MDFI: variants seen among roughly 807,000 people sequenced by gnomAD.
MDFI encodes the protein MyoD family inhibitor, also known as inhibitor of MyoD family a.
Under a neutral mutation model 22.3 loss-of-function variants are expected in MDFI, and 16 were observed. That is an observed-to-expected ratio of 0.72 (90% CI 0.49 to 1.09). The LOEUF is 1.09. Ranked by LOEUF, MDFI falls within the 50% of genes least tolerant of loss-of-function variation. The pLI is 0.00. For missense variants in MDFI, 314 were observed against 326.1 expected (o/e 0.96, Z 0.29); for synonymous variants, 145 against 142.7 (o/e 1.02, Z -0.12).
rs1277794457 is a variant in MDFI at position 41,649,722 on chromosome 6, G to T, written c.363G>T (p.Leu121=). The stretch of plus-strand genomic sequence containing the variant: ...CCAGACGGGCGGGGAATGGTGCCCT[G>T]GGTGGCCCCAAGGCCCACCGGAAGT... ...GGTRRAGNGA[L]GGPKAHRKLQ... Residue 121 remains leucine, a synonymous_variant, in exon 4 of 5, where the codon CTG becomes CTT. Coordinates refer to ENST00000230321, the MANE Select transcript of MDFI (RefSeq NM_005586.4). 6.2e-7 allele frequency: 1 copy of T among 1,613,998 alleles called. No individual in the cohort carries two copies. The highest frequency in any genetic ancestry group is 8.5e-7 in the Non-Finnish European group (1 of 1,180,010).
chr6:41,649,575 G>T, intron 3 of MDFI, 44 bp from the exon 4 acceptor site: 1 of 1,493,686 alleles, frequency 6.7e-7, no homozygotes, highest in South Asian at 1.3e-5. Flanking sequence ...GGGGCCGAAT[G>T]ACCCCCACCC....
At chr6:41,649,538 A>C (rs1768178342) in intron 3 of MDFI, 81 bp from the exon 4 acceptor site, 1 of 1,289,646 alleles carries the variant, frequency 7.8e-7, no homozygotes, top group Admixed American at 2.3e-5. Context: ...GTAAGAATGC[A>C]GCAGGCAGGA....
intron 3 of MDFI, among the ~76,000 whole-genome samples, chr6:41,648,290 A>C (rs1222196827): frequency 6.6e-6 from 1 of 152,004 alleles, no homozygotes; most frequent in Non-Finnish European, 1.5e-5. Context: ...CTTGCTAGCT[A>C]TGTGACCTTG....
At chr6:41,646,352 T>G in intron 3 of MDFI, 44 bp downstream of exon 3, 224 of 1,373,308 alleles carry the variant, frequency 1.6e-4, no homozygotes, top group Non-Finnish European at 2.0e-4. Flanking sequence ...ACATGTAGGG[T>G]TGCACTAGGG....
At chr6:41,648,384 G>T (rs1768136481) in intron 3 of MDFI, among the ~76,000 whole-genome samples, 1 of 152,216 alleles carries the variant, frequency 6.6e-6, no homozygotes, top group Non-Finnish European at 1.5e-5. Context: ...GGATGCGTGA[G>T]CAGCAAGTAC....
At chr6:41,642,044 TGA>T (rs1280800276) in intron 2 of MDFI, among the ~76,000 whole-genome samples, 2 of 152,122 alleles carry the variant, frequency 1.3e-5, no homozygotes, top group African/African-American at 2.4e-5. Context: ...ATGTTAGGAA[TGA>T]GAGTGTATTG....
At chr6:41,643,012 A>C (rs1561829210) in intron 2 of MDFI, among the ~76,000 whole-genome samples, 1 of 152,004 alleles carries the variant, frequency 6.6e-6, no homozygotes. Flanking sequence ...GGCAGGGAGC[A>C]GAAGTCCTGG....
chr6:41,643,650 TAAAA>T (rs200900866), intron 2 of MDFI, among the ~76,000 whole-genome samples: 1 of 130,162 alleles, frequency 7.7e-6, no homozygotes, highest in Non-Finnish European at 1.6e-5. Flanking sequence ...AACTACTCAT[TAAAA>T]AAAAAAGAGA....
chr6:41,652,602 C>A (rs957779152), intron 4 of MDFI, among the ~76,000 whole-genome samples: 2 of 131,490 alleles, frequency 1.5e-5, no homozygotes, highest in Non-Finnish European at 3.2e-5. Flanking sequence ...TAACTACTCT[C>A]CCTCTCTTTT....
Position 41,638,669 on chromosome 6 carries a change from G to A in MDFI, c.-12+17G>A. The A allele has an allele frequency of 7.0e-7, 1 of 1,434,014 alleles. No homozygotes were observed. Among genetic ancestry groups the A allele is most frequent in the Non-Finnish European group, 9.5e-7 (1 of 1,056,812 alleles). 88.8% of individuals were successfully genotyped at this position (1,434,014 alleles called of 1,614,324 possible). A position where few individuals can be genotyped will look rare whatever the true frequency, so the allele number is the denominator to read the frequency against. On this transcript the variant is annotated intron_variant, in intron 1 of 4. Transcript: ENST00000230321. This position sits in a 1 kb window ranked among gnomAD's most constrained non-coding sequence, Gnocchi z 7.6. The stretch of plus-strand genomic sequence containing the variant: ...CTCGCACGAGTGAGTGGACGTGGGA[G>A]GCGCGCATCTGCGGGGGAATCGCCC...
chr6:41,648,723 C>T (rs1052867301), intron 3 of MDFI, among the ~76,000 whole-genome samples: 2 of 152,128 alleles, frequency 1.3e-5, no homozygotes, highest in African/African-American at 2.4e-5. Flanking sequence ...TCAGTCCCTC[C>T]GCACTCCCCC....
At chr6:41,651,409 C>G (rs1303253545) in intron 4 of MDFI, among the ~76,000 whole-genome samples, 1 of 148,892 alleles carries the variant, frequency 6.7e-6, no homozygotes, top group Non-Finnish European at 1.5e-5. Flanking sequence ...CTGAACATGC[C>G]TTAAAAGACC....
intron 3 of MDFI, among the ~76,000 whole-genome samples, chr6:41,649,121 G>A (rs767076867): frequency 3.9e-5 from 6 of 152,192 alleles, no homozygotes; most frequent in Admixed American, 3.3e-4. Context: ...AGAGCCAGGC[G>A]TTCATCTCCA....
At position 41,653,565 on chromosome 6, in the gene MDFI, TCTC is replaced by T. The variant is rs762371611; in HGVS notation, c.737_739del (p.Ser246del). 42 of 1,600,132 alleles carry T rather than the reference TCTC, an allele frequency of 2.6e-5. No homozygotes were observed. Among genetic ancestry groups the T allele is most frequent in the Non-Finnish European group, 3.3e-5 (39 of 1,179,898 alleles). On this transcript the variant is annotated inframe_deletion, in exon 5 of 5. Coordinates refer to ENST00000230321, the MANE Select transcript of MDFI (RefSeq NM_005586.4). The surrounding 1 kb of genome is among the most constrained non-coding windows in gnomAD (Gnocchi z 4.2). ...TGCATGGAGTGCTGTGGGCTCTGCT[TCTC>T]CTCCTGAGCCTCTGTCGGGGGCTAA... is the stretch of plus-strand genomic sequence containing the variant.
In MDFI at chr6:41,638,783, T is replaced by A. The variant is rs1245412954; in HGVS notation, c.34T>A (p.Cys12Ser). ...YQVSGQRPSG[C>S]DAPYGAPSAA... ...GGTGAGCGGCCAGCGCCCCTCTGGCTGCGACGCGCCCTATGGAGCCCCCAG... is the reference window on the plus strand; with the variant it reads ...GGTGAGCGGCCAGCGCCCCTCTGGCAGCGACGCGCCCTATGGAGCCCCCAG... The change falls in exon 2 of 5, where the codon TGC becomes AGC. Residue 12 changes from cysteine to serine, a missense_variant. Cys to Ser is a moderately radical substitution (Grantham distance 112, BLOSUM62 -1). Transcript: ENST00000230321. This position sits in a 1 kb window ranked among gnomAD's most constrained non-coding sequence, Gnocchi z 7.6. 7 of 1,571,324 alleles carry A rather than the reference T, an allele frequency of 4.5e-6. No individual in the cohort carries two copies. The South Asian group carries it at 7.0e-5, about 16-fold the overall frequency.
intron 4 of MDFI, among the ~76,000 whole-genome samples, chr6:41,652,881 G>A (rs1431951659): frequency 1.3e-5 from 2 of 152,126 alleles, no homozygotes; most frequent in African/African-American, 4.8e-5. Context: ...GCCTCCCAAA[G>A]AGCTGGGATT....
rs759016564 is a variant in MDFI at position 41,646,286 on chromosome 6, C to A, written c.237C>A (p.Asp79Glu). 2 of 1,461,250 alleles carry A rather than the reference C, an allele frequency of 1.4e-6. No individual in the cohort carries two copies. The highest frequency in any genetic ancestry group is 9.0e-7 in the Non-Finnish European group (1 of 1,105,046). The allele number at this position is 1,461,250 out of a possible 1,614,324, so 90.5% of individuals were successfully genotyped here. ...IPQGLDSTDL[D>E]VPTEAVTCQP... Reference sequence around the variant, plus strand: ...AGGGCCTGGACAGCACTGACCTCGACGTCCCCACAGAAGCTGTGACATGTG... The same window carrying A: ...AGGGCCTGGACAGCACTGACCTCGAAGTCCCCACAGAAGCTGTGACATGTG... The change falls in exon 3 of 5, where the codon GAC (aspartate) becomes GAA (glutamate). Residue 79 changes from aspartate to glutamate, a missense_variant. Coordinates refer to ENST00000230321, the MANE Select transcript of MDFI (RefSeq NM_005586.4).
At chr6:41,639,181 G>A in intron 2 of MDFI, 1 of 945,242 alleles carries the variant, frequency 1.1e-6, no homozygotes, top group South Asian at 4.9e-5. Flanking sequence ...AAATATTTGT[G>A]GGGGCCTGGT....
In MDFI at chr6:41,653,376, A is replaced by T; in HGVS notation, c.542A>T (p.Asn181Ile). The T allele has an allele frequency of 1.2e-6, 2 of 1,612,174 alleles. No individual in the cohort carries two copies. The highest frequency in any genetic ancestry group is 1.1e-5 in the South Asian group (1 of 91,078). ...CLFCEFLTLC[N>I]IVLDCATCGS... ...TTCTGCGAGTTCCTGACGCTGTGCAACATCGTCCTGGACTGCGCCACCTGT... is the reference window on the plus strand; with the variant it reads ...TTCTGCGAGTTCCTGACGCTGTGCATCATCGTCCTGGACTGCGCCACCTGT... Residue 181 changes from asparagine (N) to isoleucine (I), a missense_variant, in exon 5 of 5, where the codon AAC becomes ATC. Transcript: ENST00000230321. This position sits in a 1 kb window ranked among gnomAD's most constrained non-coding sequence, Gnocchi z 4.2.
Sources: gnomAD v4.1 joint callset for allele counts (sites outside exome capture counted in the v4.1 genomes callset) on GRCh38, gnomAD v4.1.1 for gene constraint, Gnocchi (gnomAD v3.1) non-coding constraint, MANE v1.5 for transcripts, NCBI Gene and HGNC (gene_info 2026-07-23, HGNC 2026-07-21) for gene names.